DMD: variants seen among roughly 807,000 people sequenced by gnomAD.
DMD encodes mutant dystrophin.
A neutral mutation model predicts 330.1 loss-of-function variants in DMD; 63 were observed. The ratio of observed to expected loss-of-function variants is 0.19; its 90% CI spans 0.16 to 0.24. The LOEUF is 0.24. Ranked by LOEUF, DMD falls within the 10% of genes least tolerant of loss-of-function variation. The pLI, the probability that DMD is intolerant of heterozygous loss-of-function variation, is 1.00. For synonymous variants in DMD, 1,223 were observed against 959.8 expected (o/e 1.27, Z -5.07); for missense variants, 3,344 against 2,684.1 (o/e 1.25, Z -5.43).
chrX:31,278,740 C>G (rs141863109), intron 62 of DMD, among the ~76,000 whole-genome samples: 16 of 111,886 alleles, frequency 1.4e-4, no homozygotes, highest in African/African-American at 5.2e-4. Context: ...GCAGTGAGAC[C>G]TAATTCAAAG....
intron 1 of DMD, among the ~76,000 whole-genome samples, chrX:33,146,465 A>G (rs148464967): frequency 0.017 from 1,892 of 111,879 alleles, 40 homozygotes; most frequent in African/African-American, 0.058. Flanking sequence ...ATATTTCTTC[A>G]TGCTTTAGCT....
intron 47 of DMD, among the ~76,000 whole-genome samples, chrX:31,920,351 T>C (rs1161829378): frequency 8.9e-6 from 1 of 111,950 alleles, no homozygotes; most frequent in African/African-American, 3.2e-5. Flanking sequence ...ATTTACAATA[T>C]GTGGTCTTAA....
chrX:31,872,520 C>A (rs929686451), intron 48 of DMD, among the ~76,000 whole-genome samples: 1 of 110,064 alleles, frequency 9.1e-6, no homozygotes, highest in South Asian at 3.8e-4. Context: ...CCAAGGGATT[C>A]AAAAAAAAAT....
At chrX:32,644,922 C>G in intron 10 of DMD, 42 bp downstream of exon 10, 1 of 1,186,493 alleles carries the variant, frequency 8.4e-7, no homozygotes, top group Non-Finnish European at 1.1e-6. Flanking sequence ...GCCATTATAA[C>G]AAGTCATATG....
intron 2 of DMD, among the ~76,000 whole-genome samples, chrX:32,860,531 A>G (rs757415470): frequency 8.9e-6 from 1 of 111,784 alleles, no homozygotes; most frequent in South Asian, 3.8e-4. Flanking sequence ...CAGCTCCCAG[A>G]AAAATAAGGC....
At chrX:32,387,913 G>T (rs1023831275) in intron 32 of DMD, among the ~76,000 whole-genome samples, 1 of 111,058 alleles carries the variant, frequency 9.0e-6, no homozygotes, top group Non-Finnish European at 1.9e-5. Flanking sequence ...TCATTCAATA[G>T]GCAAGTAAAA....
intron 55 of DMD, among the ~76,000 whole-genome samples, chrX:31,606,485 T>C (rs546707769): frequency 8.9e-6 from 1 of 111,928 alleles, no homozygotes; most frequent in Non-Finnish European, 1.9e-5. Context: ...TCTCCTGTTA[T>C]AATATTATAC....
At chrX:32,130,867 A>T (rs755514535) in intron 44 of DMD, among the ~76,000 whole-genome samples, 5 of 112,028 alleles carry the variant, frequency 4.5e-5, no homozygotes, top group African/African-American at 1.6e-4. Context: ...TCTGTATAAG[A>T]CATATTGATA....
chrX:32,501,611 A>G, intron 19 of DMD, 144 bp downstream of exon 19: 1 of 491,243 alleles, frequency 2.0e-6, no homozygotes, highest in Non-Finnish European at 3.5e-6. Flanking sequence ...GCATTAAAAA[A>G]AGAATAATAA....
intron 60 of DMD, among the ~76,000 whole-genome samples, chrX:31,392,387 C>T (rs1453023007): frequency 8.9e-6 from 1 of 112,450 alleles, no homozygotes; most frequent in Non-Finnish European, 1.9e-5. Flanking sequence ...GAAAAATAAA[C>T]GATGGTTGCT....
chrX:32,946,538 C>A (rs753410480), intron 2 of DMD, among the ~76,000 whole-genome samples: 11 of 112,068 alleles, frequency 9.8e-5, no homozygotes, highest in Non-Finnish European at 2.1e-4. Context: ...AAAATTATAT[C>A]ATATGATCTA....
chrX:31,193,183 C>T (rs1180878675), intron 67 of DMD, among the ~76,000 whole-genome samples: 2 of 112,139 alleles, frequency 1.8e-5, no homozygotes, highest in African/African-American at 3.2e-5. Context: ...CTCAATTCAG[C>T]ACAGTTTTCA....
chrX:32,515,301 C>G (rs1360588573), intron 18 of DMD, among the ~76,000 whole-genome samples: 1 of 111,243 alleles, frequency 9.0e-6, no homozygotes, highest in Non-Finnish European at 1.9e-5. Context: ...CTCGAGGTAC[C>G]TATACTCTGG....
intron 47 of DMD, among the ~76,000 whole-genome samples, chrX:31,878,663 C>A (rs755227712): frequency 1.5e-3 from 171 of 111,612 alleles, no homozygotes; most frequent in Non-Finnish European, 2.9e-3. Flanking sequence ...AGACCTTCTG[C>A]AAAGTAATAA....
intron 64 of DMD, among the ~76,000 whole-genome samples, chrX:31,212,450 C>T (rs931187868): frequency 1.2e-4 from 13 of 109,356 alleles, no homozygotes; most frequent in Non-Finnish European, 2.1e-4. Context: ...CAGACAGTGG[C>T]GGTTGGGGGG....
At position 32,365,171 on chromosome X, in the gene DMD, T is replaced by C; in HGVS notation, c.4874A>G (p.Lys1625Arg). ...CTCTGTGATACTCTTCAGGTGCACCTTCTGTTTCTCAATCTCTTTTTGAGT... is the reference window on the plus strand; with the variant it reads ...CTCTGTGATACTCTTCAGGTGCACCCTCTGTTTCTCAATCTCTTTTTGAGT... ...KATQKEIEKQ[K>R]VHLKSITEVG... Residue 1625 changes from lysine to arginine, a missense_variant, in exon 35 of 79, where the codon AAG (lysine) becomes AGG (arginine). Coordinates refer to ENST00000357033, the MANE Select transcript of DMD (RefSeq NM_004006.3). 1 of 1,211,048 alleles carries C rather than the reference T, an allele frequency of 8.3e-7. No homozygotes were observed. Among genetic ancestry groups the C allele is most frequent in the Non-Finnish European group, 1.1e-6 (1 of 895,127 alleles).
intron 2 of DMD, among the ~76,000 whole-genome samples, chrX:32,957,336 C>T (rs2091651527): frequency 2.7e-5 from 3 of 111,633 alleles, no homozygotes; most frequent in African/African-American, 9.7e-5. Context: ...GCAACTATTT[C>T]AGTGCCTAAT....
chrX:32,045,203 A>G (rs1445824249), intron 44 of DMD, among the ~76,000 whole-genome samples: 1 of 109,269 alleles, frequency 9.2e-6, no homozygotes, highest in Non-Finnish European at 1.9e-5. Context: ...ACCATCAGCC[A>G]ATTAAACTTT....
At chrX:33,096,272 C>T (rs1043101685) in intron 1 of DMD, among the ~76,000 whole-genome samples, 3 of 111,086 alleles carry the variant, frequency 2.7e-5, no homozygotes, top group Non-Finnish European at 5.7e-5. Flanking sequence ...CCGCGCCCGG[C>T]CTTCTTCCAG....
Sources: allele counts gnomAD v4.1 joint callset (sites outside exome capture counted in the v4.1 genomes callset), GRCh38; gene constraint gnomAD v4.1.1; transcripts MANE v1.5; gene names NCBI Gene and HGNC (gene_info 2026-07-23, HGNC 2026-07-21).